Variants in DYM observed in about 807,000 individuals in gnomAD.
DYM encodes dyggve-Melchior-Clausen syndrome protein.
DYM carries 78 observed loss-of-function variants against 93.1 expected under a neutral mutation model. The observed-to-expected ratio is 0.84, with a 90% CI of 0.70 to 1.01. The LOEUF (loss-of-function observed/expected upper bound fraction) is 1.01. DYM is among the 50% of genes least tolerant of loss of function. The pLI, the probability that DYM is intolerant of heterozygous loss-of-function variation, is 0.00. For synonymous variants in DYM, 321 were observed against 319.7 expected, an observed-to-expected ratio of 1.00 and a Z score of -0.04; for missense variants, 789 against 845.0, an observed-to-expected ratio of 0.93 and a Z score of 0.82.
At chr18:49,268,664 C>A (rs750287894) in intron 11 of DYM, among the ~76,000 whole-genome samples, 7 of 152,016 alleles carry the variant, frequency 4.6e-5, no homozygotes, top group Non-Finnish European at 1.0e-4. Context: ...GTTATTGCTG[C>A]TGCTGAAGCA....
intron 15 of DYM, among the ~76,000 whole-genome samples, chr18:49,119,687 T>G (rs929739440): frequency 1.3e-5 from 2 of 152,170 alleles, no homozygotes; most frequent in African/African-American, 4.8e-5. Flanking sequence ...CAAAGGTTTC[T>G]ACAACTCACT....
chr18:49,122,515 A>C (rs2082470659), intron 15 of DYM, among the ~76,000 whole-genome samples: 1 of 152,208 alleles, frequency 6.6e-6, no homozygotes, highest in African/African-American at 2.4e-5. Context: ...GGTGGAACTG[A>C]GGAGGTGATG....
intron 15 of DYM, among the ~76,000 whole-genome samples, chr18:49,133,677 C>T (rs1371816960): frequency 6.6e-6 from 1 of 152,210 alleles, no homozygotes; most frequent in Admixed American, 6.5e-5. Flanking sequence ...AGTCAAATGC[C>T]ACTCAGCTTT....
At chr18:49,107,168 A>G (rs1201869058) in intron 16 of DYM, among the ~76,000 whole-genome samples, 2 of 152,154 alleles carry the variant, frequency 1.3e-5, no homozygotes, top group African/African-American at 4.8e-5. Context: ...ATCTTCCATC[A>G]CTGATACTCT....
intron 8 of DYM, among the ~76,000 whole-genome samples, chr18:49,287,169 A>AGAGT (rs1292548950): frequency 6.6e-6 from 1 of 152,108 alleles, no homozygotes; most frequent in African/African-American, 2.4e-5. Context: ...GCTGGGCAAC[A>AGAGT]GAGTGAGACT....
At chr18:49,342,338 C>T (rs1183971025) in intron 6 of DYM, among the ~76,000 whole-genome samples, 3 of 152,000 alleles carry the variant, frequency 2.0e-5, no homozygotes, top group East Asian at 1.9e-4. Context: ...AGACTGGGCC[C>T]GACAGGATAA....
In DYM at chr18:49,358,414, C is replaced by G. The variant is rs1040928569; in HGVS notation, c.494+4747G>C. Among the ~76,000 whole-genome samples the G allele has an allele frequency of 2.0e-5, 3 of 152,032 alleles. 1 individual carries two copies. The South Asian group carries it at 6.2e-4, about 32-fold the overall frequency. ...GGCATGCTCCACATTAGCAAGACCA[C>G]CAGTGAGGGTTAGCAGATGACATCA... On this transcript the variant is annotated intron_variant, in intron 6 of 17. Transcript: ENST00000675505.
intron 6 of DYM, among the ~76,000 whole-genome samples, chr18:49,352,126 A>G (rs930009152): frequency 6.6e-6 from 1 of 152,250 alleles, no homozygotes; most frequent in Non-Finnish European, 1.5e-5. Context: ...ACAAAAGACC[A>G]TATGTGATAC....
At chr18:49,045,281 C>T (rs539516326) in intron 17 of DYM, among the ~76,000 whole-genome samples, 1 of 152,224 alleles carries the variant, frequency 6.6e-6, no homozygotes, top group African/African-American at 2.4e-5. Context: ...TACTGGAAGA[C>T]ATGGCCCATA....
chr18:49,170,780 C>CAAA lies in DYM; in HGVS notation c.1626-6996_1626-6994dup, dbSNP rs34297501. Reference sequence around the variant, plus strand: ...TGGGCAACAAAGTGAGACTCCGTCTCAAAAAAAAAAAAAAAAAAAAAAAAA... The same window carrying CAAA: ...TGGGCAACAAAGTGAGACTCCGTCTCAAAAAAAAAAAAAAAAAAAAAAAAAAAA... On this transcript the variant is annotated intron_variant, in intron 14 of 17. Coordinates refer to ENST00000675505, the MANE Select transcript of DYM (RefSeq NM_001353214.3). 1.9e-4 allele frequency among the ~76,000 whole-genome samples: 6 copies of CAAA among 31,238 alleles called. 1 individual carries two copies. The highest frequency in any genetic ancestry group is 2.7e-4 in the African/African-American group (2 of 7,320). 20.5% of individuals were successfully genotyped at this position (31,238 alleles called of 152,430 possible).
chr18:49,146,967 A>G (rs1204187202), intron 15 of DYM, among the ~76,000 whole-genome samples: 1 of 152,240 alleles, frequency 6.6e-6, no homozygotes, highest in African/African-American at 2.4e-5. Context: ...TACAGTAACC[A>G]AAACAGCATG....
chr18:49,146,515 A>G (rs889663915), intron 15 of DYM, among the ~76,000 whole-genome samples: 2 of 152,234 alleles, frequency 1.3e-5, no homozygotes, highest in African/African-American at 4.8e-5. Context: ...TACAAAATCA[A>G]TGTGCAAAAA....
chr18:49,078,524 C>G (rs916391816), intron 17 of DYM, among the ~76,000 whole-genome samples: 2 of 151,920 alleles, frequency 1.3e-5, no homozygotes, highest in Admixed American at 6.6e-5. Flanking sequence ...TCCTAAAAAC[C>G]AATGTGATAA....
At chr18:49,045,091 T>TA (rs2071301882) in intron 17 of DYM, among the ~76,000 whole-genome samples, 1 of 152,224 alleles carries the variant, frequency 6.6e-6, no homozygotes, top group Non-Finnish European at 1.5e-5. Context: ...GCCTCTCCTT[T>TA]GCCAAGGCGT....
chr18:49,116,474 G>C (rs2081934856), intron 16 of DYM: 1 of 152,156 alleles, frequency 6.6e-6, no homozygotes, highest in Non-Finnish European at 1.5e-5. Context: ...GTTAGAAAAA[G>C]CTTTTCAGAA....
chr18:49,274,448 T>A (rs1349989001), intron 10 of DYM, among the ~76,000 whole-genome samples: 1 of 152,202 alleles, frequency 6.6e-6, no homozygotes. Flanking sequence ...AATGCTTCTA[T>A]AAACATTCAT....
At chr18:49,053,212 C>G (rs1011122232) in intron 17 of DYM, among the ~76,000 whole-genome samples, 1 of 152,138 alleles carries the variant, frequency 6.6e-6, no homozygotes, top group African/African-American at 2.4e-5. Context: ...GTGGTTGAGA[C>G]TTGGGTGCAA....
At chr18:49,336,547 A>G (rs551310711) in intron 6 of DYM, among the ~76,000 whole-genome samples, 2 of 152,218 alleles carry the variant, frequency 1.3e-5, no homozygotes, top group African/African-American at 4.8e-5. Context: ...CCAAATTCCT[A>G]AACAGAACCA....
intron 15 of DYM, among the ~76,000 whole-genome samples, chr18:49,127,078 A>G (rs994296680): frequency 6.6e-6 from 1 of 152,218 alleles, no homozygotes; most frequent in Admixed American, 6.5e-5. Context: ...TCAATGGAGC[A>G]GCCATAATAG....
Sources: allele counts gnomAD v4.1 joint callset (sites outside exome capture counted in the v4.1 genomes callset), GRCh38; gene constraint gnomAD v4.1.1; transcripts MANE v1.5; gene names NCBI Gene and HGNC (gene_info 2026-07-23, HGNC 2026-07-21).